The following TRDN variants were observed in gnomAD, a reference collection of about 807,000 sequenced individuals.
TRDN encodes triadin in skeletal muscle.
A neutral mutation model predicts 149.7 loss-of-function variants in TRDN; 161 were observed. The ratio of observed to expected loss-of-function variants is 1.08; its 90% CI spans 0.95 to 1.23. TRDN has a LOEUF of 1.23. Among genes scored for constraint, TRDN ranks in the 50% most tolerant of loss-of-function variants. TRDN has a pLI of 0.00. For synonymous variants in TRDN, 294 were observed against 250.5 expected (o/e 1.17, Z -1.64); for missense variants, 896 against 823.5 (o/e 1.09, Z -1.08).
At chr6:123,403,593 T>G (rs1032509131) in intron 12 of TRDN, among the ~76,000 whole-genome samples, 6 of 152,086 alleles carry the variant, frequency 3.9e-5, no homozygotes, top group African/African-American at 1.4e-4. Context: ...GAAAAAAGCA[T>G]AGGTATAAGT....
chr6:123,446,425 A>G (rs1230664096), intron 10 of TRDN, among the ~76,000 whole-genome samples: 2 of 151,416 alleles, frequency 1.3e-5, no homozygotes, highest in Non-Finnish European at 2.9e-5. Context: ...TTACCTAAAA[A>G]GAAAAAATTA....
Position 123,388,623 on chromosome 6 carries a change from T to G in TRDN, c.1106-72A>C, listed in dbSNP as rs372754741. ...CAGAATACTCCCCAGAATATGAGAA[T>G]GTATTCCACATATTCATAAATTCAG... On this transcript the variant is annotated intron_variant, in intron 13 of 40. Coordinates refer to ENST00000334268, the MANE Select transcript of TRDN (RefSeq NM_006073.4). The G allele has an allele frequency of 9.3e-6, 14 of 1,502,480 alleles. No homozygotes were observed. In the African/African-American group the frequency reaches 1.9e-4, roughly 21 times the overall value. 93.1% of individuals were successfully genotyped at this position (1,502,480 alleles called of 1,614,324 possible).
At chr6:123,407,655 T>C (rs1773251631) in intron 12 of TRDN, among the ~76,000 whole-genome samples, 2 of 145,862 alleles carry the variant, frequency 1.4e-5, no homozygotes, top group Admixed American at 1.4e-4. Flanking sequence ...ACTCTTTCTC[T>C]TTTTTTTGTA....
chr6:123,466,295 C>G (rs1392919347), intron 9 of TRDN, among the ~76,000 whole-genome samples: 1 of 152,152 alleles, frequency 6.6e-6, no homozygotes, highest in South Asian at 2.1e-4. Context: ...CTTTCCCTAG[C>G]TAACAATTAC....
At position 123,367,800 on chromosome 6, in the gene TRDN, G is replaced by C. The variant is rs1297937396; in HGVS notation, c.1274-1618C>G. ...GTTCCCAGGGGATGCTTAGGCTCCTGATTTGGACCGCACTTTGGAAACTGA... is the reference window on the plus strand; with the variant it reads ...GTTCCCAGGGGATGCTTAGGCTCCTCATTTGGACCGCACTTTGGAAACTGA... On this transcript the variant is annotated intron_variant, in intron 19 of 40. Coordinates refer to ENST00000334268, the MANE Select transcript of TRDN (RefSeq NM_006073.4). Among the ~76,000 whole-genome samples the C allele has an allele frequency of 2.6e-5, 4 of 152,122 alleles. No individual in the cohort carries two copies. In the East Asian group the frequency reaches 7.7e-4, roughly 29 times the overall value.
Position 123,540,667 on chromosome 6 carries a change from C to T in TRDN, c.424+6673G>A, listed in dbSNP as rs142511914. ...CCGAGTAGCTGGGACTACAAGCGCC[C>T]GCCACGACGCCTGGCTAATTTTTTG... On this transcript the variant is annotated intron_variant, in intron 4 of 40. Transcript: ENST00000334268. 2.4e-3 allele frequency among the ~76,000 whole-genome samples: 360 copies of T among 152,286 alleles called. 4 individuals carry two copies. Among genetic ancestry groups the T allele is most frequent in the African/African-American group, 8.4e-3 (348 of 41,552 alleles).
intron 38 of TRDN, among the ~76,000 whole-genome samples, chr6:123,235,566 A>ATT: frequency 6.6e-6 from 1 of 152,250 alleles, no homozygotes; most frequent in South Asian, 2.1e-4. Context: ...TTTAAGGTTT[A>ATT]TTTTTTAAAA....
chr6:123,324,902 T>G (rs557274853), intron 23 of TRDN, among the ~76,000 whole-genome samples: 15 of 152,212 alleles, frequency 9.9e-5, no homozygotes, highest in Admixed American at 4.6e-4. Context: ...TGTAAATTGC[T>G]GCTTAAAGTG....
At chr6:123,234,156 C>CTA (rs1775706376) in intron 38 of TRDN, among the ~76,000 whole-genome samples, 1 of 151,982 alleles carries the variant, frequency 6.6e-6, no homozygotes, top group Non-Finnish European at 1.5e-5. Flanking sequence ...GACTACTACC[C>CTA]TATGATACCA....
intron 39 of TRDN, among the ~76,000 whole-genome samples, chr6:123,222,986 T>G: frequency 6.6e-6 from 1 of 151,634 alleles, no homozygotes; most frequent in East Asian, 1.9e-4. Context: ...TATGAAAAAG[T>G]CAAAAAATAA....
chr6:123,387,703 G>C (rs1407662622), intron 14 of TRDN, among the ~76,000 whole-genome samples: 1 of 152,122 alleles, frequency 6.6e-6, no homozygotes, highest in Non-Finnish European at 1.5e-5. Flanking sequence ...TACATGAGAA[G>C]TTAGTAAGAC....
intron 9 of TRDN, among the ~76,000 whole-genome samples, chr6:123,493,086 A>C (rs913953496): frequency 3.3e-5 from 5 of 152,112 alleles, no homozygotes; most frequent in Non-Finnish European, 7.4e-5. Flanking sequence ...GAGAGGGGAG[A>C]TCTTCGGTGT....
At chr6:123,226,781 A>T (rs952248878) in intron 38 of TRDN, among the ~76,000 whole-genome samples, 2 of 151,916 alleles carry the variant, frequency 1.3e-5, no homozygotes, top group African/African-American at 4.8e-5. Flanking sequence ...TGATAAAACA[A>T]ATATTTGACT....
Position 123,267,752 on chromosome 6 carries a change from C to T in TRDN, c.1739-1G>A. 2.5e-6 allele frequency: 4 copies of T among 1,568,800 alleles called. No individual in the cohort carries two copies. Among genetic ancestry groups the T allele is most frequent in the Non-Finnish European group, 3.5e-6 (4 of 1,157,362 alleles). ...TCTCTTTCTCGATGTTCAGCTTTTT[C>T]TAGAGAAAGAAATCAAAATTCACTG... On this transcript the variant is annotated splice_acceptor_variant, in intron 31 of 40. Coordinates refer to ENST00000334268, the MANE Select transcript of TRDN (RefSeq NM_006073.4). LOFTEE classifies it high-confidence loss of function.
chr6:123,604,226 T>C (rs886705051), intron 1 of TRDN, among the ~76,000 whole-genome samples: 6 of 152,202 alleles, frequency 3.9e-5, no homozygotes, highest in African/African-American at 1.2e-4. Flanking sequence ...CGTGTGACCC[T>C]GTCACGCACA....
chr6:123,283,982 G>A (rs1777699592), intron 24 of TRDN, among the ~76,000 whole-genome samples: 3 of 18,426 alleles, frequency 1.6e-4, no homozygotes, highest in East Asian at 7.7e-3. Flanking sequence ...CACCAACATG[G>A]CACATATATA....
intron 4 of TRDN, among the ~76,000 whole-genome samples, chr6:123,531,914 C>T (rs1780271288): frequency 6.6e-6 from 1 of 152,132 alleles, no homozygotes; most frequent in East Asian, 1.9e-4. Context: ...TTCCTAGCCT[C>T]TACCTTTTAG....
chr6:123,226,091 A>G (rs1487321209), intron 38 of TRDN, among the ~76,000 whole-genome samples: 1 of 151,552 alleles, frequency 6.6e-6, no homozygotes, highest in Non-Finnish European at 1.5e-5. Flanking sequence ...AATTACTAGA[A>G]TTTTTTTTAC....
At chr6:123,465,582 C>CA (rs1223948612) in intron 9 of TRDN, among the ~76,000 whole-genome samples, 12,006 of 65,176 alleles carry the variant, frequency 0.18, 832 homozygotes, top group Non-Finnish European at 0.2. Flanking sequence ...TTATGAACTG[C>CA]AAAAAAAAAA....
Sources: allele counts gnomAD v4.1 joint callset (sites outside exome capture counted in the v4.1 genomes callset), GRCh38; gene constraint gnomAD v4.1.1; transcripts MANE v1.5; gene names NCBI Gene and HGNC (gene_info 2026-07-23, HGNC 2026-07-21).